KALRN: variants seen among roughly 807,000 people sequenced by gnomAD.
KALRN encodes the protein kalirin.
KALRN carries 70 observed loss-of-function variants against 353.7 expected under a neutral mutation model. That is an observed-to-expected ratio of 0.20 (90% CI 0.16 to 0.24). The LOEUF (loss-of-function observed/expected upper bound fraction) is 0.24. Ranked by LOEUF, KALRN falls within the 10% of genes least tolerant of loss-of-function variation. The pLI is 1.00. For synonymous variants in KALRN, 1,391 were observed against 1,434.8 expected (o/e 0.97, Z 0.69); for missense variants, 2,791 against 3,756.7 (o/e 0.74, Z 6.72).
At chr3:124,468,844 G>C (rs1451433924) in intron 25 of KALRN, among the ~76,000 whole-genome samples, 2 of 152,228 alleles carry the variant, frequency 1.3e-5, no homozygotes, top group Non-Finnish European at 2.9e-5. Flanking sequence ...GAACCCATCA[G>C]AGGAGCCCTA....
At chr3:124,621,161 A>G (rs1052236162) in intron 34 of KALRN, among the ~76,000 whole-genome samples, 4 of 152,170 alleles carry the variant, frequency 2.6e-5, no homozygotes, top group African/African-American at 9.7e-5. Flanking sequence ...ATCTGGAATC[A>G]TTTCTGTGGC....
chr3:124,261,151 AAGT>A (rs1285090213), intron 3 of KALRN, among the ~76,000 whole-genome samples: 2 of 151,622 alleles, frequency 1.3e-5, no homozygotes, highest in Non-Finnish European at 2.9e-5. Context: ...CAGCCTCCCA[AAGT>A]GCTGGGATTA....
chr3:124,675,810 A>G (rs3772784), intron 49 of KALRN, among the ~76,000 whole-genome samples: 28,415 of 152,102 alleles, frequency 0.19, 3,155 homozygotes, highest in East Asian at 0.31. Context: ...CCTGCTGCAT[A>G]GTAATCCATG....
rs1189432308 is a variant in KALRN at position 124,649,609 on chromosome 3, T to C, written c.5665-1199T>C. ...GGCAATGTAATGAGACCCAGTCTCTTAAACAAACAAACAAACAAACAAACA... is the reference window on the plus strand; with the variant it reads ...GGCAATGTAATGAGACCCAGTCTCTCAAACAAACAAACAAACAAACAAACA... On this transcript the variant is annotated intron_variant, in intron 37 of 59. Transcript: ENST00000682506. 6.3e-5 allele frequency among the ~76,000 whole-genome samples: 9 copies of C among 143,326 alleles called. No homozygotes were observed. In the Admixed American group the frequency reaches 6.3e-4, roughly 10 times the overall value. 94.0% of individuals were successfully genotyped at this position (143,326 alleles called of 152,430 possible).
chr3:124,320,022 C>T (rs2079168330), intron 6 of KALRN, among the ~76,000 whole-genome samples: 1 of 151,100 alleles, frequency 6.6e-6, no homozygotes, highest in Non-Finnish European at 1.5e-5. Context: ...AATAAGCACT[C>T]AATAACTGGT....
chr3:124,499,044 G>A (rs1017325752), intron 33 of KALRN, among the ~76,000 whole-genome samples: 1 of 152,158 alleles, frequency 6.6e-6, no homozygotes, highest in African/African-American at 2.4e-5. Context: ...GGTGGAGACA[G>A]CTCACCCAAT....
chr3:124,576,928 G>A (rs573262443), intron 34 of KALRN, among the ~76,000 whole-genome samples: 5 of 152,270 alleles, frequency 3.3e-5, no homozygotes, highest in African/African-American at 1.2e-4. Flanking sequence ...AACGTTTTTG[G>A]AAGTAGATAA....
In KALRN at chr3:124,476,763, C is replaced by T. The variant is rs1019752863; in HGVS notation, c.4102-482C>T. ...TCTGGGAAGTTGGGGATGGCATAGT[C>T]CCTTGCCATGCCCCTCAACCTTTCT... On this transcript the variant is annotated intron_variant, in intron 26 of 59. Transcript: ENST00000682506. 3.9e-5 allele frequency among the ~76,000 whole-genome samples: 6 copies of T among 152,098 alleles called. No individual in the cohort carries two copies. The East Asian group carries it at 9.7e-4, about 24-fold the overall frequency.
intron 1 of KALRN, among the ~76,000 whole-genome samples, chr3:124,174,123 G>A (rs1222233470): frequency 6.6e-6 from 1 of 152,160 alleles, no homozygotes; most frequent in Non-Finnish European, 1.5e-5. Flanking sequence ...GCAGCAGAGA[G>A]GTGGGTACTT....
chr3:124,119,845 C>G (rs1427557576), intron 1 of KALRN, among the ~76,000 whole-genome samples: 1 of 152,198 alleles, frequency 6.6e-6, no homozygotes, highest in East Asian at 1.9e-4. Flanking sequence ...GTGTCTAGAA[C>G]TTAGAATGCT....
intron 34 of KALRN, among the ~76,000 whole-genome samples, chr3:124,593,617 C>G (rs1260934115): frequency 2.0e-5 from 3 of 152,196 alleles, no homozygotes; most frequent in South Asian, 2.1e-4. Flanking sequence ...CTCCCCAGCT[C>G]CAGCAAAACA....
At position 124,658,485 on chromosome 3, in the gene KALRN, T is replaced by C; in HGVS notation, c.6091T>C (p.Tyr2031His). The change falls in exon 42 of 60, where the codon TAC (tyrosine) becomes CAC (histidine). Residue 2031 changes from tyrosine (Y) to histidine (H), a missense_variant. Coordinates refer to ENST00000682506, the MANE Select transcript of KALRN (RefSeq NM_001388419.1). ...WYCQNKPRSEYIVAEYDAYFE... is the reference protein window; with the variant it reads ...WYCQNKPRSEHIVAEYDAYFE... ...TTGTCAGAATAAGCCGCGCTCAGAG[T>C]ACATCGTTGCTGAGTATGACGCCTA... 1.2e-6 allele frequency: 2 copies of C among 1,614,000 alleles called. No homozygotes were observed. The highest frequency in any genetic ancestry group is 1.7e-6 in the Non-Finnish European group (2 of 1,179,916).
chr3:124,099,196 C>G (rs1438178732), intron 1 of KALRN, among the ~76,000 whole-genome samples: 2 of 152,094 alleles, frequency 1.3e-5, no homozygotes, highest in Non-Finnish European at 2.9e-5. Flanking sequence ...GCTATCAAAC[C>G]CTAGAACTTA....
At chr3:124,538,709 C>T (rs187374242) in intron 33 of KALRN, among the ~76,000 whole-genome samples, 74 of 152,242 alleles carry the variant, frequency 4.9e-4, no homozygotes, top group African/African-American at 1.8e-3. Context: ...AATAGTGGGG[C>T]CCCAAAAGGC....
intron 15 of KALRN, among the ~76,000 whole-genome samples, chr3:124,425,796 A>G (rs1049522477): frequency 8.5e-5 from 13 of 152,188 alleles, no homozygotes; most frequent in Admixed American, 7.9e-4. Context: ...TACACATCCT[A>G]TATAGGAGGA....
chr3:124,099,765 TAAG>T (rs2061712938), intron 1 of KALRN, among the ~76,000 whole-genome samples: 1 of 152,202 alleles, frequency 6.6e-6, no homozygotes, highest in Non-Finnish European at 1.5e-5. Context: ...GTAATTGTGG[TAAG>T]ATGATATCTC....
At chr3:124,520,669 C>A (rs1414965039) in intron 33 of KALRN, among the ~76,000 whole-genome samples, 2 of 152,176 alleles carry the variant, frequency 1.3e-5, no homozygotes, top group African/African-American at 4.8e-5. Context: ...GAGCTAGTAA[C>A]AAACTTGGGC....
At chr3:124,583,180 G>C (rs989636412) in intron 34 of KALRN, among the ~76,000 whole-genome samples, 6 of 152,166 alleles carry the variant, frequency 3.9e-5, no homozygotes, top group African/African-American at 1.4e-4. Context: ...TCCCATGAGT[G>C]TGTTTCTTCC....
chr3:124,439,188 T>TCACA lies in KALRN; in HGVS notation c.3198+152_3198+153insACAC, dbSNP rs1491329331. 6 of 363,316 alleles carry TCACA rather than the reference T, an allele frequency of 1.7e-5. No homozygotes were observed. In the East Asian group the frequency reaches 2.4e-4, roughly 14 times the overall value. 22.5% of individuals were successfully genotyped at this position (363,316 alleles called of 1,614,324 possible). On this transcript the variant is annotated intron_variant, in intron 18 of 59. Coordinates refer to ENST00000682506, the MANE Select transcript of KALRN (RefSeq NM_001388419.1). ...TTCTCCTCCTCCTCCTTCTTCTCCT[T>TCACA]CTCTCTCTCTCTCACACACACACAC...
Sources: allele counts gnomAD v4.1 joint callset (sites outside exome capture counted in the v4.1 genomes callset), GRCh38; gene constraint gnomAD v4.1.1; transcripts MANE v1.5; gene names NCBI Gene and HGNC (gene_info 2026-07-23, HGNC 2026-07-21).